ANGEL1: variants seen among roughly 807,000 people sequenced by gnomAD.
The protein encoded by ANGEL1 is angel homolog 1.
ANGEL1 carries 62 observed loss-of-function variants against 76.4 expected under a neutral mutation model. That is an observed-to-expected ratio of 0.81 (90% confidence interval 0.66 to 1.00). ANGEL1 has a LOEUF of 1.00. ANGEL1 is among the 50% of genes least tolerant of loss of function. ANGEL1 has a pLI of 0.00. For synonymous variants in ANGEL1, 340 were observed against 331.7 expected (o/e 1.03, Z -0.27); for missense variants, 737 against 836.7 (o/e 0.88, Z 1.47).
At chr14:76,808,219 G>A (rs1566701680) in intron 2 of ANGEL1, 71 bp from the exon 3 acceptor site, 1 of 1,321,218 alleles carries the variant, frequency 7.6e-7, no homozygotes, top group Non-Finnish European at 1.1e-6. Flanking sequence ...CTCCACTCCT[G>A]ACTCAGTAAT....
In ANGEL1 at chr14:76,786,929, G is replaced by T; in HGVS notation, c.*2299C>A. 1 of 152,400 alleles carries T rather than the reference G, an allele frequency of 6.6e-6. No homozygotes were observed. The allele number at this position is 152,400 out of a possible 1,614,324, so 9.4% of individuals were successfully genotyped here. Reference sequence around the variant, plus strand: ...AAGATACTAGGAGGAGGCATGGGGGGAGCAGATGGAGGAAGAATGAAAAGC... The same window carrying T: ...AAGATACTAGGAGGAGGCATGGGGGTAGCAGATGGAGGAAGAATGAAAAGC... On this transcript the variant is annotated 3_prime_UTR_variant, in exon 10 of 10. Coordinates refer to ENST00000251089, the MANE Select transcript of ANGEL1 (RefSeq NM_015305.4).
rs529575758 is a variant in ANGEL1, at chr14:76,809,564, G to A, written c.144C>T (p.Ala48=). The change falls in exon 2 of 10, where the codon GCC becomes GCT. Residue 48 remains alanine, a synonymous_variant. Transcript: ENST00000251089. Reference sequence around the variant, plus strand: ...ATTCCTCCTGCTCAGGGCCCCGAGGGGCCATGGCAAAGTCGCCCTCTACCT... The same window carrying A: ...ATTCCTCCTGCTCAGGGCCCCGAGGAGCCATGGCAAAGTCGCCCTCTACCT... ...SPQVEGDFAM[A]PRGPEQEECE... 1.2e-6 allele frequency: 2 copies of A among 1,614,170 alleles called. No individual in the cohort carries two copies. Among genetic ancestry groups the A allele is most frequent in the African/African-American group, 2.7e-5 (2 of 75,050 alleles).
chr14:76,791,174 AG>A, intron 8 of ANGEL1, 122 bp downstream of exon 8: 1 of 1,056,622 alleles, frequency 9.5e-7, no homozygotes, highest in Non-Finnish European at 1.4e-6. Flanking sequence ...AGCAGATATT[AG>A]GGGAAAAAGA....
intron 3 of ANGEL1, 128 bp downstream of exon 3, chr14:76,807,794 C>G (rs1894964255): frequency 1.2e-5 from 13 of 1,055,038 alleles, no homozygotes; most frequent in Non-Finnish European, 1.8e-5. Context: ...ACCAGGCAGG[C>G]AAGCTCCAGC....
At chr14:76,797,542 G>A (rs1485903190) in intron 7 of ANGEL1, among the ~76,000 whole-genome samples, 1 of 152,152 alleles carries the variant, frequency 6.6e-6, no homozygotes, top group Non-Finnish European at 1.5e-5. Context: ...AGAGATTGCA[G>A]TGAGCTGAGA....
intron 7 of ANGEL1, among the ~76,000 whole-genome samples, chr14:76,796,574 G>A (rs1894585088): frequency 6.6e-6 from 1 of 151,700 alleles, no homozygotes; most frequent in Admixed American, 6.6e-5. Context: ...TAACTTATAT[G>A]TTTATTGCAT....
At position 76,803,787 on chromosome 14, in the gene ANGEL1, T is replaced by A; in HGVS notation, c.1506A>T (p.Ser502=). The A allele has an allele frequency of 6.2e-7, 1 of 1,611,190 alleles. No homozygotes were observed. Among genetic ancestry groups the A allele is most frequent in the East Asian group, 2.2e-5 (1 of 44,834 alleles). ...ACCAAGAATGTGACATGTGCTCACC[T>A]GATCTCTTGGGGTGACAGGAGGTGA... The part of the protein sequence containing the change: ...QYVTSCHPKR[S]ERRKYGRDFL... Residue 502 remains serine (S), a splice_region_variant and synonymous_variant, in exon 6 of 10, where the codon TCA becomes TCT. Transcript: ENST00000251089.
chr14:76,804,226 A>G lies in ANGEL1; in HGVS notation c.1381-314T>C, dbSNP rs148097340. 7.6e-3 allele frequency: 10,607 copies of G among 1,397,420 alleles called. 54 individuals carry two copies. The highest frequency in any genetic ancestry group is 9.1e-3 in the Non-Finnish European group (9,814 of 1,082,320). The allele number at this position is 1,397,420 out of a possible 1,614,324, so 86.6% of individuals were successfully genotyped here. A position where few individuals can be genotyped will look rare whatever the true frequency, so the allele number is the denominator to read the frequency against. Reference sequence around the variant, plus strand: ...AAAAATCAATACAATTCTCCTCCACAGGGAATATCAACTCTCAGGGGCTTT... The same window carrying G: ...AAAAATCAATACAATTCTCCTCCACGGGGAATATCAACTCTCAGGGGCTTT... On this transcript the variant is annotated intron_variant, in intron 5 of 9. Coordinates refer to ENST00000251089, the MANE Select transcript of ANGEL1 (RefSeq NM_015305.4).
chr14:76,808,628 C>T (rs771690672), intron 2 of ANGEL1, among the ~76,000 whole-genome samples: 7 of 152,116 alleles, frequency 4.6e-5, no homozygotes, highest in East Asian at 1.9e-4. Context: ...AATCTATTGA[C>T]GCCATTCTTC....
In ANGEL1 at chr14:76,809,579, G is replaced by A. The variant is rs746779606; in HGVS notation, c.129C>T (p.Gly43=). 8.1e-6 allele frequency: 13 copies of A among 1,614,182 alleles called. No homozygotes were observed. The highest frequency in any genetic ancestry group is 4.5e-5 in the East Asian group (2 of 44,878). ...LANSSSPQVE[G]DFAMAPRGPE... ...GGCCCCGAGGGGCCATGGCAAAGTC[G>A]CCCTCTACCTGGGGGGATGAGCTGT... Residue 43 remains glycine, a synonymous_variant, in exon 2 of 10, where the codon GGC becomes GGT. Transcript: ENST00000251089.
rs1595297843 is a variant in ANGEL1, at chr14:76,796,604, A to T, written c.1619-5238T>A. Among the ~76,000 whole-genome samples, 3 of 152,300 alleles carry T rather than the reference A, an allele frequency of 2.0e-5. 1 individual carries two copies. The highest frequency in any genetic ancestry group is 2.0e-4 in the Admixed American group (3 of 15,300). On this transcript the variant is annotated intron_variant, in intron 7 of 9. Transcript: ENST00000251089. ...TTGCATGTGCTTTATGATCTAACAT[A>T]TGATCAATTCCTAAGAATTTCCTAT...
chr14:76,794,131 G>A (rs1005201233), intron 7 of ANGEL1, among the ~76,000 whole-genome samples: 3 of 152,130 alleles, frequency 2.0e-5, no homozygotes, highest in African/African-American at 7.2e-5. Context: ...TTTGACAAGG[G>A]GAGAAGTAAA....
chr14:76,805,593 GATAAAA>G (rs1894895710), intron 5 of ANGEL1, among the ~76,000 whole-genome samples: 1 of 152,186 alleles, frequency 6.6e-6, no homozygotes, highest in Admixed American at 6.5e-5. Flanking sequence ...AGCACAAGCT[GATAAAA>G]CTACGAGGTG....
chr14:76,803,753 A>C, intron 6 of ANGEL1, 33 bp downstream of exon 6: 1 of 1,576,360 alleles, frequency 6.3e-7, no homozygotes, highest in Non-Finnish European at 8.6e-7. Flanking sequence ...GGGCATGAAG[A>C]CACAGCCAAC....
intron 4 of ANGEL1, 95 bp from the exon 5 acceptor site, chr14:76,806,944 G>A: frequency 7.5e-7 from 1 of 1,333,984 alleles, no homozygotes; most frequent in African/African-American, 1.5e-5. Context: ...TGCCCCTGAG[G>A]CATTGTTCCT....
intron 7 of ANGEL1, among the ~76,000 whole-genome samples, chr14:76,796,853 T>G (rs183269719): frequency 2.2e-4 from 33 of 152,350 alleles, no homozygotes; most frequent in Non-Finnish European, 2.4e-4. Flanking sequence ...TGATTGTTGA[T>G]GCAATGTTAT....
intron 1 of ANGEL1, among the ~76,000 whole-genome samples, chr14:76,810,812 C>A (rs75386666): frequency 9.9e-4 from 151 of 152,298 alleles, no homozygotes; most frequent in African/African-American, 3.6e-3. Context: ...AAAATTAGAG[C>A]CCCCAAACTC....
Position 76,791,302 on chromosome 14 carries a change from G to A in ANGEL1, c.1683C>T (p.Phe561=). ...AGAGAACTGGAGAAGGTTACCTGGA[G>A]AAGGCAGGCTCAAGCTCCGATGCAT... ...EEDASELEPA[F]SRTVGTIQHC... The change falls in exon 8 of 10, where the codon TTC becomes TTT. Residue 561 remains phenylalanine (F), a synonymous_variant. Transcript: ENST00000251089. 6.2e-7 allele frequency: 1 copy of A among 1,614,110 alleles called. No individual in the cohort carries two copies. The highest frequency in any genetic ancestry group is 8.5e-7 in the Non-Finnish European group (1 of 1,179,996).
In ANGEL1 at chr14:76,808,163, G is replaced by T. The variant is rs776970324; in HGVS notation, c.650-15C>A. The stretch of plus-strand genomic sequence containing the variant: ...CCACAAAATTTCTGCAAAGGATTGG[G>T]AGAAGCACTCAATGGCAAGTATGAG... On this transcript the variant is annotated splice_polypyrimidine_tract_variant and intron_variant, in intron 2 of 9. Coordinates refer to ENST00000251089, the MANE Select transcript of ANGEL1 (RefSeq NM_015305.4). 2 of 1,609,828 alleles carry T rather than the reference G, an allele frequency of 1.2e-6. No individual in the cohort carries two copies. Among genetic ancestry groups the T allele is most frequent in the African/African-American group, 1.3e-5 (1 of 74,830 alleles).
Sources: allele counts gnomAD v4.1 joint callset (sites outside exome capture counted in the v4.1 genomes callset), GRCh38; gene constraint gnomAD v4.1.1; transcripts MANE v1.5; gene names NCBI Gene and HGNC (gene_info 2026-07-23, HGNC 2026-07-21).